Variants in MORN1 observed in about 807,000 individuals in gnomAD.
MORN1 encodes MORN repeat-containing protein 1.
MORN1 carries 67 observed loss-of-function variants against 61.9 expected under a neutral mutation model. The observed-to-expected ratio is 1.08, with a 90% CI of 0.89 to 1.33. The LOEUF (loss-of-function observed/expected upper bound fraction) is 1.33. MORN1 is among the 40% of genes most tolerant of loss of function. The probability of loss-of-function intolerance (pLI) is 0.00; values close to 1 mark genes in which losing one functional copy is unlikely to be tolerated. For synonymous variants in MORN1, 301 were observed against 292.0 expected, an observed-to-expected ratio of 1.03 and a Z score of -0.31; for missense variants, 752 against 691.2, an observed-to-expected ratio of 1.09 and a Z score of -0.99.
intron 13 of MORN1, chr1:2,323,828 T>C (rs1220847591): frequency 8.1e-6 from 8 of 985,106 alleles, no homozygotes; most frequent in African/African-American, 3.5e-5. Flanking sequence ...CCCCCGTGGC[T>C]TCCTCCTTTC....
At chr1:2,367,090 A>T (rs927299563) in intron 8 of MORN1, among the ~76,000 whole-genome samples, 1 of 152,114 alleles carries the variant, frequency 6.6e-6, no homozygotes, top group Non-Finnish European at 1.5e-5. Context: ...CAAAATTCAC[A>T]TTCTTCTCAA....
intron 12 of MORN1, among the ~76,000 whole-genome samples, chr1:2,328,610 C>G (rs1186647013): frequency 6.6e-6 from 1 of 152,196 alleles, no homozygotes; most frequent in South Asian, 2.1e-4. Flanking sequence ...TCTGCAGCCC[C>G]GGGAGCCCCT....
chr1:2,343,050 G>A (rs1641436937), intron 10 of MORN1, among the ~76,000 whole-genome samples: 1 of 151,974 alleles, frequency 6.6e-6, no homozygotes, highest in Non-Finnish European at 1.5e-5. Flanking sequence ...TGCCTTTCCT[G>A]AGGCATAGAA....
chr1:2,390,048 T>C (rs1642607961), intron 1 of MORN1, 52 bp from the exon 2 acceptor site: 1 of 1,503,450 alleles, frequency 6.7e-7, no homozygotes. Context: ...AGATGAGGGA[T>C]GCTCTCCAGT....
At chr1:2,358,961 C>A (rs920952416) in intron 8 of MORN1, among the ~76,000 whole-genome samples, 3 of 152,170 alleles carry the variant, frequency 2.0e-5, no homozygotes, top group African/African-American at 7.2e-5. Flanking sequence ...CCCAATACCC[C>A]TGTACCCCTG....
At chr1:2,365,691 G>A (rs1169103345) in intron 8 of MORN1, among the ~76,000 whole-genome samples, 2 of 152,028 alleles carry the variant, frequency 1.3e-5, no homozygotes, top group African/African-American at 4.8e-5. Context: ...ATTGGCTGTG[G>A]GTTTGTCATA....
rs913395619 is a variant in MORN1 at position 2,372,843 on chromosome 1, G to A, written c.635-252C>T. ...GTGGAATCGAACCAAGTGGACCACC[G>A]GGGCCACGGAGCATGCAAGAGACAC... On this transcript the variant is annotated intron_variant, in intron 7 of 13. Transcript: ENST00000378531. This position sits in a 1 kb window ranked among gnomAD's most constrained non-coding sequence, Gnocchi z 5.4. Among the ~76,000 whole-genome samples, 17 of 152,258 alleles carry A rather than the reference G, an allele frequency of 1.1e-4. No homozygotes were observed. Among genetic ancestry groups the A allele is most frequent in the African/African-American group, 3.4e-4 (14 of 41,470 alleles).
chr1:2,349,337 C>T (rs1016811748), intron 10 of MORN1, among the ~76,000 whole-genome samples: 5 of 152,158 alleles, frequency 3.3e-5, no homozygotes, highest in East Asian at 3.9e-4. Context: ...ACCCGCCTGC[C>T]GACCAAAGAG....
At chr1:2,384,288 A>G (rs1642437038) in intron 6 of MORN1, among the ~76,000 whole-genome samples, 1 of 152,044 alleles carries the variant, frequency 6.6e-6, no homozygotes, top group Admixed American at 6.5e-5. Flanking sequence ...ACCTGTCAAC[A>G]AGTCTGGTGT....
chr1:2,325,642 ATTTTTT>A (rs529341445), intron 12 of MORN1, among the ~76,000 whole-genome samples: 7 of 125,014 alleles, frequency 5.6e-5, no homozygotes, highest in African/African-American at 6.1e-5. Flanking sequence ...GCCTTTGTTG[ATTTTTT>A]TTTTTTTTTT....
chr1:2,328,975 G>T (rs1180919841), intron 12 of MORN1, among the ~76,000 whole-genome samples: 1 of 152,244 alleles, frequency 6.6e-6, no homozygotes, highest in South Asian at 2.1e-4. Flanking sequence ...TTTTGTGACT[G>T]CTTTCCCAGG....
In MORN1 at chr1:2,374,512, G is replaced by C. The variant is rs758666875; in HGVS notation, c.583C>G (p.His195Asp). 1 of 1,603,834 alleles carries C rather than the reference G, an allele frequency of 6.2e-7. No homozygotes were observed. Among genetic ancestry groups the C allele is most frequent in the Non-Finnish European group, 8.5e-7 (1 of 1,175,916 alleles). The change falls in exon 7 of 14, where the codon CAC becomes GAC. Residue 195 changes from histidine (H) to aspartate (D), a missense_variant. Transcript: ENST00000378531. ...CCATAATAGGTGACCCCTGAGCAGT[G>C]GGCCATGCTGCCCAGTCCACTGAAG... ...DVFSGLGSMA[H>D]CSGVTYYGLW...
rs185898128 is a variant in MORN1 at position 2,349,936 on chromosome 1, G to A, written c.1036+7496C>T. On this transcript the variant is annotated intron_variant, in intron 10 of 13. Coordinates refer to ENST00000378531, the MANE Select transcript of MORN1 (RefSeq NM_024848.3). ...AGCAACCTGACGTCCTCTCACGGCT[G>A]CGGCCTCTCTACGTTCCCAAATCCA... is the stretch of plus-strand genomic sequence containing the variant. Among the ~76,000 whole-genome samples, 17 of 152,346 alleles carry A rather than the reference G, an allele frequency of 1.1e-4. No individual in the cohort carries two copies. The East Asian group carries it at 3.1e-3, about 28-fold the overall frequency.
chr1:2,365,396 TAC>T (rs1641977552), intron 8 of MORN1, among the ~76,000 whole-genome samples: 1 of 136,840 alleles, frequency 7.3e-6, no homozygotes, highest in Non-Finnish European at 1.6e-5. Context: ...GTGATTTTTG[TAC>T]ATTGATTTTG....
intron 3 of MORN1, chr1:2,387,848 T>C: frequency 2.3e-6 from 1 of 432,484 alleles, no homozygotes; most frequent in Non-Finnish European, 4.2e-6. Context: ...AAGCCAAGCC[T>C]GAGAGAAAAC....
Position 2,391,438 on chromosome 1 carries a change from C to T in MORN1, c.76+20G>A, listed in dbSNP as rs1285423403. On this transcript the variant is annotated intron_variant, in intron 1 of 13. Coordinates refer to ENST00000378531, the MANE Select transcript of MORN1 (RefSeq NM_024848.3). The stretch of plus-strand genomic sequence containing the variant: ...AGCCCAGGGCAGCCAGCGACCTGTC[C>T]CGTGGCCCGCAGTCGTTACCGTTCC... The T allele has an allele frequency of 4.8e-6, 6 of 1,256,864 alleles. No homozygotes were observed. The highest frequency in any genetic ancestry group is 6.0e-6 in the Non-Finnish European group (6 of 993,120). 77.9% of individuals were successfully genotyped at this position (1,256,864 alleles called of 1,614,324 possible).
At chr1:2,367,918 C>G (rs138791864) in intron 8 of MORN1, among the ~76,000 whole-genome samples, 184 of 152,214 alleles carry the variant, frequency 1.2e-3, no homozygotes, top group African/African-American at 3.9e-3. Context: ...CGTGAGCCAC[C>G]GTGCCTGGCC....
At chr1:2,355,241 T>C (rs1408323250) in intron 10 of MORN1, 43 of 1,411,686 alleles carry the variant, frequency 3.0e-5, no homozygotes, top group Non-Finnish European at 3.7e-5. Context: ...ACTGCTTCTA[T>C]CAACTGAGGT....
intron 12 of MORN1, among the ~76,000 whole-genome samples, chr1:2,336,093 C>T (rs1322040085): frequency 6.6e-6 from 1 of 152,230 alleles, no homozygotes; most frequent in Non-Finnish European, 1.5e-5. Context: ...CTCACAGAGT[C>T]CCCTCAAGCC....
Sources: allele counts gnomAD v4.1 joint callset (sites outside exome capture counted in the v4.1 genomes callset), GRCh38; gene constraint gnomAD v4.1.1; non-coding constraint Gnocchi (gnomAD v3.1); transcripts MANE v1.5; gene names NCBI Gene and HGNC (gene_info 2026-07-23, HGNC 2026-07-21).